Variants in IFT88 observed in about 807,000 individuals in gnomAD.
The protein encoded by IFT88 is intraflagellar transport 88.
A neutral mutation model predicts 119.5 loss-of-function variants in IFT88; 74 were observed. The ratio of observed to expected loss-of-function variants is 0.62; its 90% CI spans 0.51 to 0.75. IFT88 has a LOEUF of 0.75. Ranked by LOEUF, IFT88 falls within the 30% of genes least tolerant of loss-of-function variation. IFT88 has a pLI of 0.00. For missense variants in IFT88, 961 were observed against 977.7 expected, an observed-to-expected ratio of 0.98 and a Z score of 0.23; for synonymous variants, 279 against 316.7, an observed-to-expected ratio of 0.88 and a Z score of 1.26.
intron 23 of IFT88, among the ~76,000 whole-genome samples, chr13:20,665,513 T>A (rs751723176): frequency 6.6e-6 from 1 of 152,258 alleles, no homozygotes; most frequent in Non-Finnish European, 1.5e-5. Flanking sequence ...TAAGAATGTC[T>A]TGTACAATTT....
At chr13:20,654,203 G>A (rs978309407) in intron 21 of IFT88, among the ~76,000 whole-genome samples, 1 of 152,082 alleles carries the variant, frequency 6.6e-6, no homozygotes, top group Non-Finnish European at 1.5e-5. Context: ...TCACAAGTTA[G>A]CCACAGAAAA....
chr13:20,662,155 A>G (rs1011281583), intron 22 of IFT88, among the ~76,000 whole-genome samples: 33 of 152,334 alleles, frequency 2.2e-4, no homozygotes, highest in African/African-American at 7.5e-4. Flanking sequence ...GCTGTTCTGC[A>G]GCCTCTGCTG....
Position 20,631,118 on chromosome 13 carries a change from ACTAAG to A in IFT88, c.1386+17_1386+21del, listed in dbSNP as rs1405609372. On this transcript the variant is annotated intron_variant, in intron 16 of 25. Coordinates refer to ENST00000351808, the MANE Select transcript of IFT88 (RefSeq NM_006531.5). ...GTATTATATGGTAAGTTTTTTTACT[ACTAAG>A]AGTTAATCATATGCTATTTTTATAT... 1.0e-5 allele frequency: 15 copies of A among 1,468,270 alleles called. No individual in the cohort carries two copies. Among genetic ancestry groups the A allele is most frequent in the Admixed American group, 8.4e-5 (5 of 59,818 alleles). The allele number at this position is 1,468,270 out of a possible 1,614,324, so 91.0% of individuals were successfully genotyped here.
chr13:20,656,121 T>TAA (rs2052735925), intron 21 of IFT88, among the ~76,000 whole-genome samples: 1 of 2,374 alleles, frequency 4.2e-4, no homozygotes, highest in African/African-American at 1.1e-3. Context: ...CCTCGTCTCT[T>TAA]TAAAAAAAAA....
At chr13:20,599,844 G>A (rs1036733714) in intron 11 of IFT88, among the ~76,000 whole-genome samples, 44 of 152,146 alleles carry the variant, frequency 2.9e-4, no homozygotes, top group Non-Finnish European at 1.0e-4. Context: ...ATAACTTAAT[G>A]CGGACACAAA....
intron 24 of IFT88, among the ~76,000 whole-genome samples, chr13:20,672,468 T>C (rs1418510843): frequency 6.6e-6 from 1 of 152,154 alleles, no homozygotes; most frequent in African/African-American, 2.4e-5. Flanking sequence ...TGATGGCTAC[T>C]CCTGTCTCCT....
chr13:20,691,117 G>A lies in IFT88; in HGVS notation c.2417G>A (p.Arg806Lys), dbSNP rs754520106. ...IERPKTAAKKRIDEDDFADEE... is the reference protein window; with the variant it reads ...IERPKTAAKKKIDEDDFADEE... ...CGACCAAAAACTGCAGCCAAGAAAAGGATCGATGAGGATGATTTTGCTGAT... is the reference window on the plus strand; with the variant it reads ...CGACCAAAAACTGCAGCCAAGAAAAAGATCGATGAGGATGATTTTGCTGAT... The change falls in exon 26 of 26, where the codon AGG becomes AAG. Residue 806 changes from arginine (R) to lysine (K), a missense_variant. Coordinates refer to ENST00000351808, the MANE Select transcript of IFT88 (RefSeq NM_006531.5). The A allele has an allele frequency of 5.0e-6, 8 of 1,613,856 alleles. No individual in the cohort carries two copies. The South Asian group carries it at 7.7e-5, about 16-fold the overall frequency.
At chr13:20,633,415 G>A (rs2048506644) in intron 16 of IFT88, among the ~76,000 whole-genome samples, 1 of 152,182 alleles carries the variant, frequency 6.6e-6, no homozygotes, top group Non-Finnish European at 1.5e-5. Context: ...TAGGAAGGGG[G>A]ACAAGGTGCC....
At chr13:20,608,276 A>G in intron 13 of IFT88, 1 of 187,914 alleles carries the variant, frequency 5.3e-6, no homozygotes, top group South Asian at 1.3e-4. Flanking sequence ...GTAACTCTTC[A>G]TCAGAAGCAC....
At chr13:20,633,479 TAGCACCTCC>T (rs1047630956) in intron 16 of IFT88, among the ~76,000 whole-genome samples, 7 of 152,268 alleles carry the variant, frequency 4.6e-5, no homozygotes, top group African/African-American at 1.4e-4. Flanking sequence ...TGGTGGCCAG[TAGCACCTCC>T]AGCACCTCTG....
In IFT88 at chr13:20,573,524, G is replaced by A. The variant is rs151103991; in HGVS notation, c.-6-856G>A. On this transcript the variant is annotated intron_variant, in intron 1 of 25. Transcript: ENST00000351808. Reference sequence around the variant, plus strand: ...TGAACATTCTTATACAAATCTTTTTGTAGACATATGTTTTCATTCCTCTTG... The same window carrying A: ...TGAACATTCTTATACAAATCTTTTTATAGACATATGTTTTCATTCCTCTTG... 1.5e-3 allele frequency among the ~76,000 whole-genome samples: 234 copies of A among 152,174 alleles called. 1 individual carries two copies. Among genetic ancestry groups the A allele is most frequent in the African/African-American group, 5.5e-3 (227 of 41,512 alleles).
At chr13:20,573,652 C>G (rs2036819678) in intron 1 of IFT88, among the ~76,000 whole-genome samples, 1 of 152,176 alleles carries the variant, frequency 6.6e-6, no homozygotes, top group African/African-American at 2.4e-5. Flanking sequence ...TATCATTTTA[C>G]ACTCCCATCA....
intron 11 of IFT88, among the ~76,000 whole-genome samples, chr13:20,600,955 A>G (rs111572204): frequency 7.6e-4 from 116 of 152,392 alleles, no homozygotes; most frequent in African/African-American, 2.7e-3. Flanking sequence ...GTACTGATAC[A>G]TGCTACAAAA....
At chr13:20,590,319 T>G (rs2040440850) in intron 4 of IFT88, among the ~76,000 whole-genome samples, 1 of 152,154 alleles carries the variant, frequency 6.6e-6, no homozygotes, top group Non-Finnish European at 1.5e-5. Context: ...TCAAACTCTA[T>G]AAAAGTTATA....
At position 20,669,613 on chromosome 13, in the gene IFT88, G is replaced by A. The variant is rs1170667878; in HGVS notation, c.2176-1360G>A. The stretch of plus-strand genomic sequence containing the variant: ...TAATTTTTATATTTTTAGTAGAGAC[G>A]GGGTTTTGCCATGTTGACCAGGCTG... On this transcript the variant is annotated intron_variant, in intron 23 of 25. Coordinates refer to ENST00000351808, the MANE Select transcript of IFT88 (RefSeq NM_006531.5). 3.3e-5 allele frequency among the ~76,000 whole-genome samples: 5 copies of A among 151,868 alleles called. No individual in the cohort carries two copies. In the East Asian group the frequency reaches 5.8e-4, roughly 18 times the overall value.
At chr13:20,628,098 C>G (rs2047638098) in intron 15 of IFT88, among the ~76,000 whole-genome samples, 1 of 151,978 alleles carries the variant, frequency 6.6e-6, no homozygotes, top group African/African-American at 2.4e-5. Flanking sequence ...TGACGTATCT[C>G]ATAATAATCA....
chr13:20,659,501 T>C (rs1000635271), intron 22 of IFT88, among the ~76,000 whole-genome samples: 3 of 152,002 alleles, frequency 2.0e-5, no homozygotes, highest in Admixed American at 6.6e-5. Context: ...AAAAAAAAAT[T>C]CCTAAGCCAA....
chr13:20,679,942 A>G (rs1279237162), intron 24 of IFT88, among the ~76,000 whole-genome samples: 1 of 152,182 alleles, frequency 6.6e-6, no homozygotes, highest in Non-Finnish European at 1.5e-5. Flanking sequence ...GTTTATATGC[A>G]GGGTGACCAT....
chr13:20,640,462 A>G lies in IFT88; in HGVS notation c.1574-828A>G, dbSNP rs2497494. Among the ~76,000 whole-genome samples, 1,050 of 152,060 alleles carry G rather than the reference A, an allele frequency of 6.9e-3. 16 individuals are homozygous for G. The highest frequency in any genetic ancestry group is 0.023 in the African/African-American group (954 of 41,484). On this transcript the variant is annotated intron_variant, in intron 17 of 25. Coordinates refer to ENST00000351808, the MANE Select transcript of IFT88 (RefSeq NM_006531.5). ...ATGGCGGGCGCCTGTAGTCCCAGCT[A>G]CTCAGGAGGCTGAGGCAGGAGAATG...
Sources: gnomAD v4.1 joint callset for allele counts (sites outside exome capture counted in the v4.1 genomes callset) on GRCh38, gnomAD v4.1.1 for gene constraint, MANE v1.5 for transcripts, NCBI Gene and HGNC (gene_info 2026-07-23, HGNC 2026-07-21) for gene names.